The following COL25A1 variants were observed in gnomAD, a reference collection of about 807,000 sequenced individuals.
COL25A1 encodes collagen type XXV alpha 1 chain.
Under a neutral mutation model 128.4 loss-of-function variants are expected in COL25A1, and 103 were observed. That is an observed-to-expected ratio of 0.80 (90% confidence interval 0.68 to 0.94). COL25A1 has a LOEUF of 0.94. Ranked by LOEUF, COL25A1 falls within the 40% of genes least tolerant of loss-of-function variation. The pLI, the probability that COL25A1 is intolerant of heterozygous loss-of-function variation, is 0.00. For synonymous variants in COL25A1, 279 were observed against 277.2 expected (o/e 1.01, Z -0.06); for missense variants, 745 against 840.0 (o/e 0.89, Z 1.40).
chr4:108,862,065 GA>G (rs1210730010), intron 22 of COL25A1, among the ~76,000 whole-genome samples: 1 of 152,088 alleles, frequency 6.6e-6, no homozygotes, highest in Non-Finnish European at 1.5e-5. Flanking sequence ...ATAGTATAAA[GA>G]GTATGATATA....
intron 3 of COL25A1, among the ~76,000 whole-genome samples, chr4:109,083,479 T>TTTTG (rs1764055467): frequency 7.2e-6 from 1 of 139,360 alleles, no homozygotes; most frequent in African/African-American, 2.9e-5. Context: ...TTTTTTTTTT[T>TTTTG]TGAGACGGAG....
At chr4:109,034,624 T>C (rs1489032951) in intron 5 of COL25A1, among the ~76,000 whole-genome samples, 2 of 152,182 alleles carry the variant, frequency 1.3e-5, no homozygotes, top group African/African-American at 4.8e-5. Flanking sequence ...TCTTAACAAT[T>C]CTATAAATTT....
chr4:109,253,177 C>T (rs1017024468), intron 3 of COL25A1, among the ~76,000 whole-genome samples: 12 of 152,208 alleles, frequency 7.9e-5, no homozygotes, highest in African/African-American at 1.7e-4. Flanking sequence ...ATCTGTATTA[C>T]GCAGGATTCT....
At chr4:108,872,938 G>C (rs1397626763) in intron 19 of COL25A1, among the ~76,000 whole-genome samples, 2 of 151,720 alleles carry the variant, frequency 1.3e-5, no homozygotes, top group Non-Finnish European at 2.9e-5. Context: ...CTGTGCCCAG[G>C]CTGAAGTTCA....
intron 8 of COL25A1, among the ~76,000 whole-genome samples, chr4:108,952,701 T>C (rs912580009): frequency 3.3e-5 from 5 of 152,032 alleles, no homozygotes; most frequent in Admixed American, 6.6e-5. Flanking sequence ...ATCCATTTTC[T>C]GAAAGGAAAC....
intron 8 of COL25A1, among the ~76,000 whole-genome samples, chr4:108,959,881 C>T (rs1162544565): frequency 6.6e-6 from 1 of 152,066 alleles, no homozygotes; most frequent in Non-Finnish European, 1.5e-5. Context: ...GCTTTCTGAA[C>T]AAATCCAAAA....
intron 5 of COL25A1, among the ~76,000 whole-genome samples, chr4:109,045,005 C>T (rs916766960): frequency 2.6e-5 from 4 of 152,168 alleles, no homozygotes; most frequent in Admixed American, 6.5e-5. Context: ...ACAAGACCAA[C>T]GCCTTTTCGT....
chr4:109,263,100 G>A (rs185794610), intron 3 of COL25A1, among the ~76,000 whole-genome samples: 147 of 151,888 alleles, frequency 9.7e-4, no homozygotes, highest in African/African-American at 3.4e-3. Context: ...TTGCATTCCA[G>A]CCTGGGCGAC....
chr4:108,894,527 T>C (rs973827), intron 16 of COL25A1, among the ~76,000 whole-genome samples: 1 of 151,966 alleles, frequency 6.6e-6, no homozygotes, highest in Non-Finnish European at 1.5e-5. Context: ...GAAAATTACA[T>C]GAAATTAAAA....
intron 5 of COL25A1, chr4:109,021,722 T>C (rs910233984): frequency 4.4e-6 from 2 of 453,206 alleles, no homozygotes; most frequent in African/African-American, 4.0e-5. Context: ...ACCAAATTCT[T>C]TTCCTAGCAA....
At chr4:109,216,365 A>G (rs147330534) in intron 3 of COL25A1, among the ~76,000 whole-genome samples, 170 of 152,266 alleles carry the variant, frequency 1.1e-3, no homozygotes, top group African/African-American at 3.9e-3. Context: ...GTGGGCTGCC[A>G]TGGTAAAAAT....
At chr4:108,904,942 C>G (rs545104778) in intron 13 of COL25A1, among the ~76,000 whole-genome samples, 58 of 151,960 alleles carry the variant, frequency 3.8e-4, no homozygotes, top group African/African-American at 1.3e-3. Flanking sequence ...TTTTAGAACT[C>G]TAATGTAAAA....
chr4:109,010,324 T>G, intron 6 of COL25A1, 34 bp downstream of exon 6: 1 of 1,544,706 alleles, frequency 6.5e-7, no homozygotes, highest in Non-Finnish European at 8.8e-7. Context: ...AAATCCTAAA[T>G]TGAAAATAAT....
At chr4:108,944,244 A>G (rs1054526041) in intron 8 of COL25A1, among the ~76,000 whole-genome samples, 5 of 152,198 alleles carry the variant, frequency 3.3e-5, no homozygotes, top group Non-Finnish European at 7.3e-5. Context: ...TTCTCTCTAA[A>G]TACAAGTCCT....
intron 6 of COL25A1, among the ~76,000 whole-genome samples, chr4:108,991,421 A>C (rs1181492146): frequency 6.6e-6 from 1 of 152,184 alleles, no homozygotes; most frequent in Non-Finnish European, 1.5e-5. Flanking sequence ...TAAAGACATA[A>C]ACTATCTGGA....
chr4:109,182,319 C>A (rs1042200855), intron 3 of COL25A1, among the ~76,000 whole-genome samples: 4 of 152,022 alleles, frequency 2.6e-5, no homozygotes, highest in African/African-American at 9.7e-5. Flanking sequence ...ATTTATATTG[C>A]CACCAACTCC....
intron 3 of COL25A1, among the ~76,000 whole-genome samples, chr4:109,192,840 C>T (rs921953935): frequency 1.2e-4 from 18 of 149,730 alleles, no homozygotes; most frequent in African/African-American, 4.0e-4. Flanking sequence ...GGCAACAGAG[C>T]GAGACTCTGT....
chr4:109,047,175 T>C (rs1453564621), intron 5 of COL25A1, among the ~76,000 whole-genome samples: 1 of 152,176 alleles, frequency 6.6e-6, no homozygotes, highest in Admixed American at 6.5e-5. Context: ...ATTTCCATGA[T>C]CATGTTGCCA....
At chr4:108,816,778 A>G (rs927804905) in intron 37 of COL25A1, among the ~76,000 whole-genome samples, 3 of 152,200 alleles carry the variant, frequency 2.0e-5, no homozygotes, top group Non-Finnish European at 2.9e-5. Flanking sequence ...GATATTCTCT[A>G]TATGAAAAGG....
Sources: allele counts gnomAD v4.1 joint callset (sites outside exome capture counted in the v4.1 genomes callset), GRCh38; gene constraint gnomAD v4.1.1; transcripts MANE v1.5; gene names NCBI Gene and HGNC (gene_info 2026-07-23, HGNC 2026-07-21).